CTNNA2: variants seen among roughly 807,000 people sequenced by gnomAD.
CTNNA2 encodes catenin alpha 2, also known as catenin alpha-2.
A neutral mutation model predicts 101.0 loss-of-function variants in CTNNA2; 42 were observed. That is an observed-to-expected ratio of 0.42 (90% CI 0.32 to 0.54). The LOEUF (loss-of-function observed/expected upper bound fraction) is 0.54, where lower values mean the gene tolerates loss of function less well. Ranked by LOEUF, CTNNA2 falls within the 20% of genes least tolerant of loss-of-function variation. The pLI is 0.14. For missense variants in CTNNA2, 871 were observed against 1,223.1 expected, an observed-to-expected ratio of 0.71 and a Z score of 4.29; for synonymous variants, 450 against 456.4, an observed-to-expected ratio of 0.99 and a Z score of 0.18.
intron 2 of CTNNA2, among the ~76,000 whole-genome samples, chr2:79,287,256 G>A (rs1215625209): frequency 7.2e-5 from 11 of 152,190 alleles, no homozygotes; most frequent in African/African-American, 2.2e-4. Flanking sequence ...CTCTCAGCTC[G>A]TCAAAGTCAT....
chr2:79,925,593 G>A (rs1686968575), intron 7 of CTNNA2, among the ~76,000 whole-genome samples: 1 of 151,978 alleles, frequency 6.6e-6, no homozygotes, highest in Non-Finnish European at 1.5e-5. Flanking sequence ...ATAAGAAAAA[G>A]CAAAATTTGT....
chr2:79,516,882 A>T (rs1671836493), intron 1 of CTNNA2, among the ~76,000 whole-genome samples: 1 of 152,226 alleles, frequency 6.6e-6, no homozygotes, highest in African/African-American at 2.4e-5. Context: ...ATCTCGTTGT[A>T]TAATAACTAA....
At chr2:79,244,604 G>C (rs1674674901) in intron 2 of CTNNA2, among the ~76,000 whole-genome samples, 1 of 152,158 alleles carries the variant, frequency 6.6e-6, no homozygotes, top group Non-Finnish European at 1.5e-5. Context: ...GGCATTCACA[G>C]GGTTCATGCA....
chr2:79,464,517 T>G (rs563932602), intron 4 of CTNNA2, among the ~76,000 whole-genome samples: 1 of 152,156 alleles, frequency 6.6e-6, no homozygotes, highest in East Asian at 1.9e-4. Context: ...GATGGCTGGG[T>G]CAAATGGTAT....
In CTNNA2 at chr2:80,116,687, G is replaced by C. The variant is rs185424617; in HGVS notation, c.1056+206890G>C. Among the ~76,000 whole-genome samples, 5 of 152,260 alleles carry C rather than the reference G, an allele frequency of 3.3e-5. No individual in the cohort carries two copies. In the East Asian group the frequency reaches 9.7e-4, roughly 29 times the overall value. The stretch of plus-strand genomic sequence containing the variant: ...TTAGATATTTTAGGATGACAGCCAG[G>C]TTTCTACTTTGGTAATTGAGATAAC... On this transcript the variant is annotated intron_variant, in intron 7 of 18. Coordinates refer to ENST00000402739, the MANE Select transcript of CTNNA2 (RefSeq NM_001282597.3).
chr2:79,853,315 A>AT (rs555921756), intron 3 of CTNNA2, among the ~76,000 whole-genome samples: 1 of 151,790 alleles, frequency 6.6e-6, no homozygotes, highest in African/African-American at 2.4e-5. Context: ...TGATTTTTAA[A>AT]TTTTTTTTGT....
chr2:79,698,393 G>A (rs1043339200), intron 2 of CTNNA2, among the ~76,000 whole-genome samples: 1 of 151,980 alleles, frequency 6.6e-6, no homozygotes, highest in Non-Finnish European at 1.5e-5. Flanking sequence ...AACTTGAATC[G>A]TTTCAATACT....
intron 7 of CTNNA2, among the ~76,000 whole-genome samples, chr2:80,018,773 T>C (rs865835477): frequency 1.1e-4 from 16 of 139,920 alleles, no homozygotes; most frequent in Non-Finnish European, 2.0e-4. Flanking sequence ...AGGGCGAGAC[T>C]CTGTGTAAAA....
chr2:79,478,792 C>T (rs17017188), intron 4 of CTNNA2, among the ~76,000 whole-genome samples: 2,728 of 152,226 alleles, frequency 0.018, 73 homozygotes, highest in African/African-American at 0.062. Flanking sequence ...ATCTCCCTTA[C>T]GATGCTTGCC....
At chr2:79,508,826 G>A (rs1046629542), upstream of CTNNA2, among the ~76,000 whole-genome samples, 3 of 150,878 alleles carry the variant, frequency 2.0e-5, no homozygotes, top group Admixed American at 6.6e-5. Flanking sequence ...ACTAGAATAT[G>A]GTACATTCTA....
At chr2:79,477,800 T>C (rs769809015) in intron 4 of CTNNA2, among the ~76,000 whole-genome samples, 8 of 152,302 alleles carry the variant, frequency 5.3e-5, no homozygotes, top group Non-Finnish European at 1.2e-4. Context: ...AATAAATACA[T>C]GGGAATTTAT....
chr2:79,203,379 G>C (rs1427179705), intron 2 of CTNNA2, among the ~76,000 whole-genome samples: 1 of 152,028 alleles, frequency 6.6e-6, no homozygotes, highest in African/African-American at 2.4e-5. Context: ...TCATATAAAG[G>C]AACTAGTTCA....
At chr2:80,009,903 AGACC>A (rs1286911984) in intron 7 of CTNNA2, among the ~76,000 whole-genome samples, 14 of 152,194 alleles carry the variant, frequency 9.2e-5, no homozygotes, top group Non-Finnish European at 1.8e-4. Context: ...CTTGGGAAAC[AGACC>A]GTCCTAGGTT....
chr2:80,304,814 G>C (rs1056031911), intron 7 of CTNNA2: 1 of 152,596 alleles, frequency 6.6e-6, no homozygotes, highest in African/African-American at 2.4e-5. Context: ...ATTGAAAAGG[G>C]GTGGGCATAA....
Position 80,294,694 on chromosome 2 carries a change from A to G in CTNNA2, c.1057-98517A>G, listed in dbSNP as rs143289649. On this transcript the variant is annotated intron_variant, in intron 7 of 18. Coordinates refer to ENST00000402739, the MANE Select transcript of CTNNA2 (RefSeq NM_001282597.3). ...CCTCACCAAGGCCACACCCCAGACC[A>G]GTTAACTCACAATCTGTTGAGGGTG... is the stretch of plus-strand genomic sequence containing the variant. Among the ~76,000 whole-genome samples the G allele has an allele frequency of 2.6e-4, 40 of 152,256 alleles. No individual in the cohort carries two copies. The East Asian group carries it at 6.6e-3, about 25-fold the overall frequency.
rs149908486 is a variant in CTNNA2, at chr2:80,255,810, T to C, written c.1057-137401T>C. 3.9e-5 allele frequency among the ~76,000 whole-genome samples: 6 copies of C among 152,296 alleles called. No individual in the cohort carries two copies. In the East Asian group the frequency reaches 1.2e-3, roughly 29 times the overall value. On this transcript the variant is annotated intron_variant, in intron 7 of 18. Transcript: ENST00000402739. ...CCTTACCCCAAAGTGGTATTTTACA[T>C]TTATGAACTCTGTTGGCTTCACAGG... is the stretch of plus-strand genomic sequence containing the variant.
At chr2:79,496,707 A>G (rs1217860730) in intron 4 of CTNNA2, among the ~76,000 whole-genome samples, 1 of 151,766 alleles carries the variant, frequency 6.6e-6, no homozygotes, top group Non-Finnish European at 1.5e-5. Context: ...GTGTACATAT[A>G]TATAATTTTA....
chr2:80,403,021 C>T (rs1027744655), intron 8 of CTNNA2, among the ~76,000 whole-genome samples: 2 of 151,776 alleles, frequency 1.3e-5, no homozygotes, highest in African/African-American at 4.8e-5. Flanking sequence ...TCAGTAATCA[C>T]AATAAATAAT....
chr2:80,357,436 A>G (rs2149310002), intron 7 of CTNNA2, among the ~76,000 whole-genome samples: 1 of 152,190 alleles, frequency 6.6e-6, no homozygotes, highest in South Asian at 2.1e-4. Flanking sequence ...GTGCATCTCC[A>G]GAGGCCAGGA....
Sources: allele counts gnomAD v4.1 joint callset (sites outside exome capture counted in the v4.1 genomes callset), GRCh38; gene constraint gnomAD v4.1.1; transcripts MANE v1.5; gene names NCBI Gene and HGNC (gene_info 2026-07-23, HGNC 2026-07-21).